DGKH: variants seen among roughly 807,000 people sequenced by gnomAD.
The protein encoded by DGKH is DAG kinase eta.
A neutral mutation model predicts 159.3 loss-of-function variants in DGKH; 90 were observed. That is an observed-to-expected ratio of 0.57 (90% CI 0.48 to 0.67). The LOEUF (loss-of-function observed/expected upper bound fraction) is 0.67. Ranked by LOEUF, DGKH falls within the 30% of genes least tolerant of loss-of-function variation. DGKH has a pLI of 0.00. For missense variants in DGKH, 1,181 were observed against 1,506.1 expected (o/e 0.78, Z 3.57); for synonymous variants, 536 against 553.8 (o/e 0.97, Z 0.45).
In DGKH at chr13:42,209,922, C is replaced by T. The variant is rs138355983; in HGVS notation, c.2850+457C>T. 8.0e-3 allele frequency among the ~76,000 whole-genome samples: 1,210 copies of T among 151,936 alleles called. 8 individuals are homozygous for T. Among genetic ancestry groups the T allele is most frequent in the African/African-American group, 0.027 (1,104 of 41,408 alleles). On this transcript the variant is annotated intron_variant, in intron 23 of 29. Transcript: ENST00000337343. ...TGCAGTATCATACAAAATTATTTCA[C>T]GACCCTAAAAATTCCTTATGGTCTA...
chr13:42,113,049 GC>G (rs1362876891), intron 1 of DGKH, among the ~76,000 whole-genome samples: 1 of 152,128 alleles, frequency 6.6e-6, no homozygotes, highest in Non-Finnish European at 1.5e-5. Context: ...TGGGTGGCTA[GC>G]CCTGAAGAGC....
At chr13:42,215,474 G>A (rs935101453) in intron 25 of DGKH, 101 bp from the exon 26 acceptor site, 22 of 882,532 alleles carry the variant, frequency 2.5e-5, no homozygotes, top group Non-Finnish European at 3.6e-5. Flanking sequence ...TTAAAAATGT[G>A]TGCTGTGAAT....
At chr13:42,256,376 C>T in exon 31 of DGKH, 1 of 1,586,098 alleles carries the variant, frequency 6.3e-7, no homozygotes, top group South Asian at 1.1e-5. Flanking sequence ...GGTGACAGCT[C>T]TCAATCCTCG....
At chr13:42,067,157 C>T (rs1460270232) in intron 1 of DGKH, among the ~76,000 whole-genome samples, 1 of 152,056 alleles carries the variant, frequency 6.6e-6, no homozygotes, top group East Asian at 1.9e-4. Flanking sequence ...GGTTCAATAT[C>T]TGTTAATCTA....
chr13:42,167,414 G>T (rs187443900), intron 9 of DGKH, among the ~76,000 whole-genome samples: 56 of 152,328 alleles, frequency 3.7e-4, no homozygotes, highest in African/African-American at 1.3e-3. Flanking sequence ...TTTGATACCA[G>T]TGCCTGAAAA....
rs569952649 is a variant in DGKH, at chr13:42,096,507, T to G, written c.193-30956T>G. Among the ~76,000 whole-genome samples the G allele has an allele frequency of 5.9e-5, 9 of 152,346 alleles. No individual in the cohort carries two copies. In the South Asian group the frequency reaches 1.9e-3, roughly 32 times the overall value. On this transcript the variant is annotated intron_variant, in intron 1 of 29. Transcript: ENST00000337343. ...ATCCACCATTGATGGACACCTGGGA[T>G]GATTCCATGTTTTTGCCATATGACA...
chr13:42,177,963 C>G (rs373630061), intron 12 of DGKH, among the ~76,000 whole-genome samples, 172 bp from the exon 13 acceptor site: 5 of 152,006 alleles, frequency 3.3e-5, no homozygotes, highest in East Asian at 1.9e-4. Flanking sequence ...AAACCGAAAG[C>G]CTTTTGCCAA....
At chr13:42,099,512 G>A (rs566434844) in intron 1 of DGKH, among the ~76,000 whole-genome samples, 2 of 152,208 alleles carry the variant, frequency 1.3e-5, no homozygotes, top group African/African-American at 4.8e-5. Context: ...TGAGAGAGCA[G>A]GGGGTATTTG....
At chr13:42,078,498 C>A (rs1022879614) in intron 1 of DGKH, among the ~76,000 whole-genome samples, 18 of 152,168 alleles carry the variant, frequency 1.2e-4, no homozygotes, top group African/African-American at 4.3e-4. Flanking sequence ...TCACTTTCAC[C>A]TTTCAAATCT....
chr13:42,052,828 C>A (rs1425922570), intron 1 of DGKH, among the ~76,000 whole-genome samples: 1 of 152,200 alleles, frequency 6.6e-6, no homozygotes, highest in Non-Finnish European at 1.5e-5. Flanking sequence ...CAAATGGGAA[C>A]CATCTCAATG....
chr13:42,164,945 A>G (rs1050193306), intron 7 of DGKH, among the ~76,000 whole-genome samples: 2 of 152,090 alleles, frequency 1.3e-5, no homozygotes, highest in African/African-American at 4.8e-5. Context: ...TCTGTCATCA[A>G]TTTATTTTAT....
Position 42,063,939 on chromosome 13 carries a change from G to GAAA in DGKH, c.192+14982_192+14984dup, listed in dbSNP as rs77810411. Among the ~76,000 whole-genome samples, 1,004 of 120,964 alleles carry GAAA rather than the reference G, an allele frequency of 8.3e-3. 15 individuals are homozygous for GAAA. The highest frequency in any genetic ancestry group is 0.026 in the African/African-American group (927 of 35,818). 79.4% of individuals were successfully genotyped at this position (120,964 alleles called of 152,430 possible). On this transcript the variant is annotated intron_variant, in intron 1 of 29. Transcript: ENST00000337343. ...GGGCAACAAGAGCAAAACTCCGTCT[G>GAAA]AAAAAAAAAATATATATATATATAT...
intron 1 of DGKH, chr13:42,069,684 G>A: frequency 8.4e-7 from 1 of 1,186,030 alleles, no homozygotes; most frequent in Non-Finnish European, 1.2e-6. Flanking sequence ...TAATAAGCTT[G>A]GGTTCATAGT....
intron 1 of DGKH, among the ~76,000 whole-genome samples, chr13:42,118,089 C>T (rs1261054211): frequency 1.3e-5 from 2 of 152,026 alleles, no homozygotes; most frequent in African/African-American, 2.4e-5. Flanking sequence ...TGTTGGCGGG[C>T]GCCTGTAGTC....
chr13:42,253,136 T>C (rs1030913892), intron 30 of DGKH, among the ~76,000 whole-genome samples: 15 of 152,238 alleles, frequency 9.9e-5, no homozygotes, highest in Non-Finnish European at 1.9e-4. Context: ...TGGTTCACCT[T>C]TATGCTGAGT....
chr13:42,131,725 A>G (rs1955294899), intron 3 of DGKH, among the ~76,000 whole-genome samples: 2 of 152,340 alleles, frequency 1.3e-5, no homozygotes, highest in South Asian at 4.1e-4. Context: ...AGAACAAACA[A>G]ATGAATTGAT....
chr13:42,209,035 C>T lies in DGKH; in HGVS notation c.2678C>T (p.Ser893Leu). ...AIFDSMQMAV[S>L]RVIKLQHHRI... ...TTTGATAGCATGCAAATGGCAGTTT[C>T]AAGGGTCATTAAACTGCAGCATCAT... Residue 893 changes from serine to leucine, a missense_variant, in exon 22 of 30, where the codon TCA becomes TTA. Transcript: ENST00000337343. 1 of 1,611,712 alleles carries T rather than the reference C, an allele frequency of 6.2e-7. No homozygotes were observed. Among genetic ancestry groups the T allele is most frequent in the Non-Finnish European group, 8.5e-7 (1 of 1,178,920 alleles).
intron 1 of DGKH, among the ~76,000 whole-genome samples, chr13:42,043,538 C>T (rs998206551): frequency 6.6e-6 from 1 of 151,876 alleles, no homozygotes; most frequent in Admixed American, 6.6e-5. Context: ...GTGGGATCTG[C>T]CCAGGCTGGT....
rs139042414 is a variant in DGKH at position 42,131,079 on chromosome 13, T to C, written c.384+1447T>C. Among the ~76,000 whole-genome samples the C allele has an allele frequency of 7.2e-3, 1,093 of 152,072 alleles. 13 individuals are homozygous for C. Among genetic ancestry groups the C allele is most frequent in the Middle Eastern group, 0.017 (5 of 294 alleles). On this transcript the variant is annotated intron_variant, in intron 3 of 29. Coordinates refer to ENST00000337343, the MANE Select transcript of DGKH (RefSeq NM_178009.5). ...TTAACTTGGAGGTCATTTGGTCCCA[T>C]TGATGTGAGTAGTTTCAGTGTGGGG... is the stretch of plus-strand genomic sequence containing the variant.
Sources: allele counts gnomAD v4.1 joint callset (sites outside exome capture counted in the v4.1 genomes callset), GRCh38; gene constraint gnomAD v4.1.1; transcripts MANE v1.5; gene names NCBI Gene and HGNC (gene_info 2026-07-23, HGNC 2026-07-21).